The following SOS2 variants were observed in gnomAD, a reference collection of about 807,000 sequenced individuals.
SOS2 encodes SOS Ras/Rho guanine nucleotide exchange factor 2.
SOS2 carries 65 observed loss-of-function variants against 148.2 expected under a neutral mutation model. The observed-to-expected ratio is 0.44, with a 90% confidence interval of 0.36 to 0.54. The LOEUF (loss-of-function observed/expected upper bound fraction) is 0.54. Ranked by LOEUF, SOS2 falls within the 20% of genes least tolerant of loss-of-function variation. SOS2 has a pLI of 0.00. For missense variants in SOS2, 1,341 were observed against 1,590.2 expected (o/e 0.84, Z 2.67); for synonymous variants, 539 against 537.1 (o/e 1.00, Z -0.05).
intron 5 of SOS2, among the ~76,000 whole-genome samples, chr14:50,185,849 T>A (rs904325730): frequency 1.3e-5 from 2 of 152,200 alleles, no homozygotes; most frequent in Non-Finnish European, 2.9e-5. Context: ...ACTTGAAATG[T>A]AATAACCTAA....
At chr14:50,119,595 G>A (rs184959567) in intron 22 of SOS2, among the ~76,000 whole-genome samples, 75 of 151,788 alleles carry the variant, frequency 4.9e-4, no homozygotes, top group African/African-American at 1.7e-3. Context: ...GCAATGGTGC[G>A]ATCTTGGCTC....
At chr14:50,178,216 G>C (rs1241960161) in intron 7 of SOS2, among the ~76,000 whole-genome samples, 1 of 152,120 alleles carries the variant, frequency 6.6e-6, no homozygotes. Context: ...TGGATCATGG[G>C]GGTGGATTTC....
At chr14:50,123,817 A>G (rs763285161) in intron 21 of SOS2, among the ~76,000 whole-genome samples, 9 of 152,238 alleles carry the variant, frequency 5.9e-5, no homozygotes, top group Non-Finnish European at 1.0e-4. Flanking sequence ...AAACAAGGTA[A>G]AAGTTATGGT....
At chr14:50,199,569 T>C in intron 4 of SOS2, 122 bp downstream of exon 4, 1 of 513,430 alleles carries the variant, frequency 1.9e-6, no homozygotes, top group Non-Finnish European at 3.3e-6. Flanking sequence ...AGCCAGGATT[T>C]TTCTCTCTTC....
intron 1 of SOS2, among the ~76,000 whole-genome samples, chr14:50,225,575 T>C (rs1237178239): frequency 6.6e-6 from 1 of 152,226 alleles, no homozygotes; most frequent in Non-Finnish European, 1.5e-5. Flanking sequence ...TTAAAGTACA[T>C]TCCTACCGCT....
intron 1 of SOS2, among the ~76,000 whole-genome samples, chr14:50,227,872 G>A (rs184597278): frequency 6.6e-6 from 1 of 152,080 alleles, no homozygotes; most frequent in African/African-American, 2.4e-5. Flanking sequence ...CATGGATATA[G>A]ACATAGATAT....
At chr14:50,152,758 A>G (rs1884700052) in intron 13 of SOS2, among the ~76,000 whole-genome samples, 1 of 152,124 alleles carries the variant, frequency 6.6e-6, no homozygotes. Flanking sequence ...AGTTCAAGAC[A>G]CCAGGCTGGT....
At chr14:50,120,528 C>A in intron 21 of SOS2, 144 bp from the exon 22 acceptor site, 1 of 592,170 alleles carries the variant, frequency 1.7e-6, no homozygotes, top group Admixed American at 3.5e-5. Context: ...AAATTGTAAG[C>A]TTTCTGCAGG....
intron 8 of SOS2, among the ~76,000 whole-genome samples, chr14:50,170,659 C>G (rs1331865569): frequency 6.6e-6 from 1 of 151,922 alleles, no homozygotes; most frequent in Non-Finnish European, 1.5e-5. Context: ...GGTAACAGAG[C>G]AAGACCCTGT....
intron 4 of SOS2, among the ~76,000 whole-genome samples, chr14:50,190,357 C>A (rs1343145281): frequency 6.6e-6 from 1 of 152,134 alleles, no homozygotes; most frequent in Admixed American, 6.6e-5. Context: ...TTCATTCATT[C>A]TGAAAAACAT....
intron 21 of SOS2, 145 bp downstream of exon 21, chr14:50,129,816 G>A: frequency 1.8e-6 from 1 of 560,640 alleles, no homozygotes; most frequent in African/African-American, 1.9e-5. Context: ...AGCTTAAGTA[G>A]TACACAGTTG....
At chr14:50,226,595 T>C (rs559708227) in intron 1 of SOS2, among the ~76,000 whole-genome samples, 1 of 152,300 alleles carries the variant, frequency 6.6e-6, no homozygotes, top group African/African-American at 2.4e-5. Flanking sequence ...TAAGAGCAAA[T>C]TGTCACAGGG....
chr14:50,158,052 G>C (rs1189065096), intron 11 of SOS2, among the ~76,000 whole-genome samples: 1 of 152,066 alleles, frequency 6.6e-6, no homozygotes, highest in Non-Finnish European at 1.5e-5. Context: ...AAATAATCAT[G>C]GGGTGGGGTG....
chr14:50,119,617 C>T (rs1014283726), intron 22 of SOS2, among the ~76,000 whole-genome samples: 5 of 151,880 alleles, frequency 3.3e-5, no homozygotes, highest in Non-Finnish European at 5.9e-5. Flanking sequence ...CTGCAACCTA[C>T]CTTCACCTCC....
chr14:50,136,045 G>A (rs1402671630), intron 18 of SOS2, among the ~76,000 whole-genome samples: 2 of 152,066 alleles, frequency 1.3e-5, no homozygotes, highest in African/African-American at 4.8e-5. Flanking sequence ...AAAATTTCTA[G>A]TATAAAATTC....
chr14:50,147,757 G>A (rs902901664), intron 14 of SOS2, among the ~76,000 whole-genome samples: 2 of 152,116 alleles, frequency 1.3e-5, no homozygotes, highest in African/African-American at 4.8e-5. Flanking sequence ...TTTTTTGAAT[G>A]CCTGAGTATT....
chr14:50,126,839 C>T (rs936122180), intron 21 of SOS2, among the ~76,000 whole-genome samples: 2 of 148,044 alleles, frequency 1.4e-5, no homozygotes, highest in Non-Finnish European at 3.0e-5. Context: ...ACCAAAGCAA[C>T]AGGAAGCATT....
At chr14:50,134,805 G>A (rs576453753) in intron 18 of SOS2, among the ~76,000 whole-genome samples, 54 of 152,180 alleles carry the variant, frequency 3.5e-4, no homozygotes, top group African/African-American at 1.0e-3. Context: ...CGAGCACGGT[G>A]GCTCACGCCT....
At position 50,159,473 on chromosome 14, in the gene SOS2, C is replaced by A. The variant is rs769210427; in HGVS notation, c.1810G>T (p.Val604Leu). Residue 604 changes from valine to leucine, a missense_variant, in exon 10 of 23, where the codon GTA (valine) becomes TTA (leucine). This residue lies in a region of SOS2 where 5 missense variants were observed against 24.7 expected (regional missense o/e 0.20). Transcript: ENST00000216373. Reference sequence around the variant, plus strand: ...GTTAACCTTTCAATTAATTTCACTACAGTTCCTCCTTTAATAATGGGGATG... The same window carrying A: ...GTTAACCTTTCAATTAATTTCACTAAAGTTCCTCCTTTAATAATGGGGATG... ...SGIPIIKGGT[V>L]VKLIERLTYH... The A allele has an allele frequency of 6.2e-7, 1 of 1,612,448 alleles. No individual in the cohort carries two copies. Among genetic ancestry groups the A allele is most frequent in the Non-Finnish European group, 8.5e-7 (1 of 1,178,804 alleles).
Sources: allele counts gnomAD v4.1 joint callset (sites outside exome capture counted in the v4.1 genomes callset), GRCh38; gene constraint gnomAD v4.1.1; regional missense constraint gnomAD v4.1.1; transcripts MANE v1.5; gene names NCBI Gene and HGNC (gene_info 2026-07-23, HGNC 2026-07-21).